Variants in IL1RAPL1 observed in about 807,000 individuals in gnomAD.
IL1RAPL1 encodes the protein interleukin-1 receptor accessory protein-like 1.
In IL1RAPL1, 3 loss-of-function variants were observed where a neutral mutation model predicts 48.4. The ratio of observed to expected loss-of-function variants is 0.06; its 90% CI spans 0.03 to 0.16. The LOEUF is 0.16. IL1RAPL1 is among the 10% of genes least tolerant of loss of function. IL1RAPL1 has a pLI of 1.00. For synonymous variants in IL1RAPL1, 185 were observed against 187.7 expected (o/e 0.99, Z 0.12); for missense variants, 349 against 530.6 (o/e 0.66, Z 3.36).
intron 3 of IL1RAPL1, among the ~76,000 whole-genome samples, chrX:29,300,529 G>A (rs1000566509): frequency 1.8e-5 from 2 of 111,831 alleles, no homozygotes; most frequent in South Asian, 3.7e-4. Context: ...CATTAGTAGT[G>A]AAGATATAGC....
rs1278137787 is a variant in IL1RAPL1, at chrX:29,956,100, G to A, written c.*280G>A. The A allele has an allele frequency of 6.0e-6, 2 of 333,151 alleles. No individual in the cohort carries two copies. Among genetic ancestry groups the A allele is most frequent in the Non-Finnish European group, 1.0e-5 (2 of 193,134 alleles). The allele number at this position is 333,151 out of a possible 1,213,427, so 27.5% of individuals were successfully genotyped here. On this transcript the variant is annotated 3_prime_UTR_variant, in exon 11 of 11. Coordinates refer to ENST00000378993, the MANE Select transcript of IL1RAPL1 (RefSeq NM_014271.4). Reference sequence around the variant, plus strand: ...TTTTTAAAGAAGAGACTGATGTGTAGATAGAAAACCCTTTTTTTGCTTCAT... The same window carrying A: ...TTTTTAAAGAAGAGACTGATGTGTAAATAGAAAACCCTTTTTTTGCTTCAT...
chrX:29,503,956 C>A (rs1247065163), intron 5 of IL1RAPL1, among the ~76,000 whole-genome samples: 1 of 80,349 alleles, frequency 1.2e-5, no homozygotes. Context: ...CAGCCTGAAT[C>A]CTTTTTTTTT....
At chrX:29,671,101 A>G (rs948104659) in intron 6 of IL1RAPL1, among the ~76,000 whole-genome samples, 4 of 111,990 alleles carry the variant, frequency 3.6e-5, no homozygotes, top group Non-Finnish European at 7.5e-5. Context: ...TATCCAATCA[A>G]CCCTAGTAAC....
intron 2 of IL1RAPL1, among the ~76,000 whole-genome samples, chrX:28,980,713 G>A (rs762063780): frequency 9.1e-6 from 1 of 110,357 alleles, no homozygotes; most frequent in Non-Finnish European, 1.9e-5. Context: ...ATTTTGTACA[G>A]CATATACATT....
At chrX:29,589,924 G>A (rs1361623148) in intron 5 of IL1RAPL1, among the ~76,000 whole-genome samples, 4 of 111,090 alleles carry the variant, frequency 3.6e-5, no homozygotes, top group South Asian at 3.8e-4. Context: ...CACAATCGGC[G>A]CAGAAGGTGA....
intron 6 of IL1RAPL1, among the ~76,000 whole-genome samples, chrX:29,689,413 A>G (rs1021892894): frequency 8.9e-6 from 1 of 112,116 alleles, no homozygotes; most frequent in African/African-American, 3.2e-5. Context: ...ACAAAAATAA[A>G]AAATAAAAGT....
intron 2 of IL1RAPL1, among the ~76,000 whole-genome samples, chrX:29,224,578 C>G (rs1170481302): frequency 9.0e-6 from 1 of 111,667 alleles, no homozygotes; most frequent in Non-Finnish European, 1.9e-5. Flanking sequence ...ATCATCATCT[C>G]AGGCAACAGC....
intron 2 of IL1RAPL1, among the ~76,000 whole-genome samples, chrX:28,797,887 G>A (rs1433598232): frequency 1.8e-5 from 2 of 112,068 alleles, no homozygotes; most frequent in Non-Finnish European, 3.8e-5. Context: ...AGAAAAAAAG[G>A]TTTAATTGGA....
intron 6 of IL1RAPL1, among the ~76,000 whole-genome samples, chrX:29,678,982 CTGAG>C (rs746242187): frequency 3.1e-3 from 345 of 111,695 alleles, no homozygotes; most frequent in African/African-American, 8.4e-3. Context: ...TTCTCACTCT[CTGAG>C]TGTTTGTTTC....
chrX:28,639,971 T>C (rs779445804), intron 1 of IL1RAPL1, among the ~76,000 whole-genome samples: 20 of 111,462 alleles, frequency 1.8e-4, no homozygotes, highest in African/African-American at 5.2e-4. Flanking sequence ...ACAGAACATA[T>C]GGGATAAAAC....
intron 5 of IL1RAPL1, among the ~76,000 whole-genome samples, chrX:29,488,888 T>C (rs1366717138): frequency 8.9e-6 from 1 of 112,140 alleles, no homozygotes; most frequent in East Asian, 2.8e-4. Flanking sequence ...AGAGCAAAAG[T>C]GTGCTCCAAG....
At chrX:29,590,568 A>G (rs1318711404) in intron 5 of IL1RAPL1, among the ~76,000 whole-genome samples, 1 of 111,557 alleles carries the variant, frequency 9.0e-6, no homozygotes, top group Non-Finnish European at 1.9e-5. Flanking sequence ...TGAAACCCAC[A>G]AGAATAGTTG....
chrX:29,518,993 A>C (rs1050089434), intron 5 of IL1RAPL1, among the ~76,000 whole-genome samples: 1 of 111,673 alleles, frequency 9.0e-6, no homozygotes, highest in Non-Finnish European at 1.9e-5. Context: ...AGCCTAGTGA[A>C]CTTATTGATG....
At chrX:28,855,080 C>T (rs142886341) in intron 2 of IL1RAPL1, among the ~76,000 whole-genome samples, 175 of 111,596 alleles carry the variant, frequency 1.6e-3, no homozygotes, top group African/African-American at 5.4e-3. Context: ...AGTGCAGTGG[C>T]GCGATCTCAG....
chrX:29,209,167 C>T (rs1930723665), intron 2 of IL1RAPL1, among the ~76,000 whole-genome samples: 1 of 111,649 alleles, frequency 9.0e-6, no homozygotes, highest in Middle Eastern at 4.6e-3. Context: ...ATATTCAATT[C>T]GTGACATTTA....
At chrX:28,692,893 C>A (rs920703353) in intron 1 of IL1RAPL1, among the ~76,000 whole-genome samples, 4 of 111,229 alleles carry the variant, frequency 3.6e-5, no homozygotes, top group African/African-American at 1.3e-4. Context: ...TTTAAATTGA[C>A]AAATCATACT....
chrX:28,806,175 A>G (rs993934640), intron 2 of IL1RAPL1, among the ~76,000 whole-genome samples: 4 of 112,208 alleles, frequency 3.6e-5, no homozygotes, highest in African/African-American at 1.3e-4. Flanking sequence ...ATTAGAGTTT[A>G]CATTTCTCTG....
chrX:28,966,258 A>C (rs966441087), intron 2 of IL1RAPL1, among the ~76,000 whole-genome samples: 2 of 112,032 alleles, frequency 1.8e-5, no homozygotes, highest in Admixed American at 9.5e-5. Context: ...GGATGTTTTT[A>C]CTTATTAGTC....
At chrX:28,737,255 C>CTTTCT (rs2042256751) in intron 1 of IL1RAPL1, among the ~76,000 whole-genome samples, 1 of 77,770 alleles carries the variant, frequency 1.3e-5, no homozygotes, top group African/African-American at 4.8e-5. Flanking sequence ...TTCTTTCTTT[C>CTTTCT]TTTCTTTCTT....
Sources: gnomAD v4.1 joint callset for allele counts (sites outside exome capture counted in the v4.1 genomes callset) on GRCh38, gnomAD v4.1.1 for gene constraint, MANE v1.5 for transcripts, NCBI Gene and HGNC (gene_info 2026-07-23, HGNC 2026-07-21) for gene names.